Variants in ZNF283 observed in about 807,000 individuals in gnomAD.
The protein encoded by ZNF283 is zinc finger protein 283.
In ZNF283, 10 loss-of-function variants were observed where a neutral mutation model predicts 9.2. The observed-to-expected ratio is 1.09, with a 90% CI of 0.67 to 1.85. The LOEUF is 1.85. Ranked by LOEUF, ZNF283 falls within the 40% of genes most tolerant of loss-of-function variation. The pLI, the probability that ZNF283 is intolerant of heterozygous loss-of-function variation, is 0.00. For synonymous variants in ZNF283, 234 were observed against 244.1 expected (o/e 0.96, Z 0.38); for missense variants, 631 against 760.1 (o/e 0.83, Z 2.00).
Position 43,850,088 on chromosome 19 carries a change from C to T in ZNF283, c.*1447C>T, listed in dbSNP as rs1971564147. The T allele has an allele frequency of 6.6e-6, 1 of 152,094 alleles. No individual in the cohort carries two copies. Among genetic ancestry groups the T allele is most frequent in the African/African-American group, 2.4e-5 (1 of 41,408 alleles). The allele number at this position is 152,094 out of a possible 1,614,324, so 9.4% of individuals were successfully genotyped here. On this transcript the variant is annotated 3_prime_UTR_variant, in exon 7 of 7. Transcript: ENST00000618787. Reference sequence around the variant, plus strand: ...TAAAAAAATGAGACTTGAAAAAATCCAGACTTTTGAAGAGTTTAGGAAAGC... The same window carrying T: ...TAAAAAAATGAGACTTGAAAAAATCTAGACTTTTGAAGAGTTTAGGAAAGC...
At chr19:43,828,819 C>T (rs1040813843) in intron 2 of ZNF283, among the ~76,000 whole-genome samples, 5 of 152,042 alleles carry the variant, frequency 3.3e-5, no homozygotes, top group African/African-American at 1.2e-4. Context: ...CCATGCCTGG[C>T]CCATAGTCAT....
chr19:43,845,943 C>T (rs1971386042), intron 6 of ZNF283, among the ~76,000 whole-genome samples: 1 of 151,960 alleles, frequency 6.6e-6, no homozygotes, highest in African/African-American at 2.4e-5. Context: ...ATGTGTGTAT[C>T]ACATTGATTT....
At position 43,838,270 on chromosome 19, in the gene ZNF283, T is replaced by C. The variant is rs1971060513; in HGVS notation, c.337+1091T>C. ...AGGTAGCGTCTGCTGGCTTCCTCCT[T>C]GTGCAGTTGCCCTTTTTCCCTTCCA... On this transcript the variant is annotated intron_variant, in intron 6 of 6. Coordinates refer to ENST00000618787, the MANE Select transcript of ZNF283 (RefSeq NM_181845.2). Among the ~76,000 whole-genome samples, 3 of 152,224 alleles carry C rather than the reference T, an allele frequency of 2.0e-5. No individual in the cohort carries two copies. In the South Asian group the frequency reaches 6.2e-4, roughly 32 times the overall value.
chr19:43,835,658 T>C, intron 5 of ZNF283, 66 bp downstream of exon 5: 1 of 1,297,100 alleles, frequency 7.7e-7, no homozygotes, highest in Non-Finnish European at 1.1e-6. Flanking sequence ...TTTTCATTAA[T>C]TTTCCTTAGA....
intron 2 of ZNF283, among the ~76,000 whole-genome samples, chr19:43,828,750 G>C (rs1568411767): frequency 6.7e-6 from 1 of 150,232 alleles, no homozygotes; most frequent in Non-Finnish European, 1.5e-5. Context: ...TGAAGTCCTG[G>C]GCTCAGGTGT....
Position 43,843,321 on chromosome 19 carries a change from C to T in ZNF283, c.338-3618C>T, listed in dbSNP as rs568747936. ...GTGCCACTGCATTCCAGCCTGGTGA[C>T]AAAGTGAGACTACGTCCCCACCCCC... On this transcript the variant is annotated intron_variant, in intron 6 of 6. Transcript: ENST00000618787. Among the ~76,000 whole-genome samples, 45 of 152,260 alleles carry T rather than the reference C, an allele frequency of 3.0e-4. 1 individual carries two copies. In the South Asian group the frequency reaches 8.7e-3, roughly 29 times the overall value.
chr19:43,847,286 C>T lies in ZNF283; in HGVS notation c.685C>T (p.His229Tyr). Residue 229 changes from histidine (H) to tyrosine (Y), a missense_variant, in exon 7 of 7, where the codon CAT becomes TAT. This residue lies in a region of ZNF283 where 184 missense variants were observed against 220.0 expected (regional missense o/e 0.84). Coordinates refer to ENST00000618787, the MANE Select transcript of ZNF283 (RefSeq NM_181845.2). Reference protein sequence around the residue: ...GSKLVQHERTHTAEKHFECKE... With the variant: ...GSKLVQHERTYTAEKHFECKE... ...AAAACTTGTTCAACATGAGAGAACT[C>T]ATACAGCTGAAAAACACTTTGAATG... The T allele has an allele frequency of 1.2e-6, 2 of 1,613,732 alleles. No individual in the cohort carries two copies. The highest frequency in any genetic ancestry group is 1.7e-6 in the Non-Finnish European group (2 of 1,179,822).
chr19:43,841,919 C>G (rs1971230903), intron 6 of ZNF283, among the ~76,000 whole-genome samples: 1 of 151,842 alleles, frequency 6.6e-6, no homozygotes, highest in Non-Finnish European at 1.5e-5. Flanking sequence ...TAAGTTTTTT[C>G]TTTATTTTTG....
intron 6 of ZNF283, among the ~76,000 whole-genome samples, chr19:43,840,017 A>G (rs544303720): frequency 1.8e-4 from 28 of 152,180 alleles, no homozygotes; most frequent in African/African-American, 6.7e-4. Context: ...TTTGAGTATT[A>G]TAATGTGGTA....
intron 1 of ZNF283, chr19:43,827,681 C>A: frequency 6.6e-6 from 1 of 152,610 alleles, no homozygotes. Flanking sequence ...CGGGGCGTGT[C>A]CCCACGGAGG....
In ZNF283 at chr19:43,847,396, T is replaced by C. The variant is rs1281132852; in HGVS notation, c.795T>C (p.Cys265=). ...RFHTGEKPYE[C]KECGKTFSWG... ...ATACTGGTGAGAAACCCTATGAGTG[T>C]AAGGAATGTGGGAAGACCTTTAGCT... Residue 265 remains cysteine, a synonymous_variant, in exon 7 of 7, where the codon TGT becomes TGC. Transcript: ENST00000618787. 6.2e-7 allele frequency: 1 copy of C among 1,613,870 alleles called. No homozygotes were observed.
rs879655890 is a variant in ZNF283, at chr19:43,849,411, G to A, written c.*770G>A. Reference sequence around the variant, plus strand: ...ACACTTTTCAAGACATGAGACAAGTGACAATTTAAATAAGAAATTCTTCAC... The same window carrying A: ...ACACTTTTCAAGACATGAGACAAGTAACAATTTAAATAAGAAATTCTTCAC... On this transcript the variant is annotated 3_prime_UTR_variant, in exon 7 of 7. Coordinates refer to ENST00000618787, the MANE Select transcript of ZNF283 (RefSeq NM_181845.2). The A allele has an allele frequency of 1.9e-4, 29 of 152,122 alleles. No individual in the cohort carries two copies. Among genetic ancestry groups the A allele is most frequent in the Non-Finnish European group, 3.2e-4 (22 of 68,000 alleles). 9.4% of individuals were successfully genotyped at this position (152,122 alleles called of 1,614,324 possible).
intron 3 of ZNF283, among the ~76,000 whole-genome samples, chr19:43,832,692 G>GACAGTAAC (rs1245054241): frequency 1.3e-5 from 2 of 152,092 alleles, no homozygotes; most frequent in African/African-American, 4.8e-5. Context: ...CAGGATAAGG[G>GACAGTAAC]ACAGTAACAT....
At chr19:43,832,080 G>A (rs1970735756) in intron 3 of ZNF283, among the ~76,000 whole-genome samples, 1 of 151,660 alleles carries the variant, frequency 6.6e-6, no homozygotes, top group Non-Finnish European at 1.5e-5. Flanking sequence ...ATCCAACCCA[G>A]TTCTAGGTTT....
chr19:43,828,136 C>CT (rs1007583009), intron 1 of ZNF283, 66 bp from the exon 2 acceptor site: 1 of 152,048 alleles, frequency 6.6e-6, no homozygotes, highest in African/African-American at 2.4e-5. Context: ...TCTTCTTTTT[C>CT]TTTTTTAATT....
intron 6 of ZNF283, among the ~76,000 whole-genome samples, chr19:43,842,330 G>T (rs1303120662): frequency 6.6e-6 from 1 of 151,668 alleles, no homozygotes; most frequent in Non-Finnish European, 1.5e-5. Context: ...TGGTTTTGTG[G>T]GTCTGCTTTT....
At chr19:43,843,282 A>C (rs1392569331) in intron 6 of ZNF283, among the ~76,000 whole-genome samples, 2 of 152,238 alleles carry the variant, frequency 1.3e-5, no homozygotes, top group African/African-American at 4.8e-5. Flanking sequence ...CGGAGGTTGC[A>C]GTGAGCCAAG....
chr19:43,833,461 G>A, intron 3 of ZNF283, 44 bp from the exon 4 acceptor site: 1 of 189,858 alleles, frequency 5.3e-6, no homozygotes, highest in South Asian at 5.5e-5. Flanking sequence ...CATCTTGTGT[G>A]TTTCTTTCTT....
At chr19:43,830,560 T>C (rs1406095567) in intron 2 of ZNF283, among the ~76,000 whole-genome samples, 1 of 152,054 alleles carries the variant, frequency 6.6e-6, no homozygotes, top group Non-Finnish European at 1.5e-5. Flanking sequence ...AAGATCTAGC[T>C]CCATTGTTCT....
Sources: allele counts gnomAD v4.1 joint callset (sites outside exome capture counted in the v4.1 genomes callset), GRCh38; gene constraint gnomAD v4.1.1; regional missense constraint gnomAD v4.1.1; transcripts MANE v1.5; gene names NCBI Gene and HGNC (gene_info 2026-07-23, HGNC 2026-07-21).